Variants in PLCE1 observed in about 807,000 individuals in gnomAD.
The protein encoded by PLCE1 is 1-phosphatidylinositol 4,5-bisphosphate phosphodiesterase epsilon-1.
PLCE1 carries 119 observed loss-of-function variants against 242.8 expected under a neutral mutation model. The ratio of observed to expected loss-of-function variants is 0.49; its 90% confidence interval spans 0.42 to 0.57. The LOEUF is 0.57. Ranked by LOEUF, PLCE1 falls within the 20% of genes least tolerant of loss-of-function variation. PLCE1 has a pLI of 0.00. For synonymous variants in PLCE1, 945 were observed against 1,017.4 expected, an observed-to-expected ratio of 0.93 and a Z score of 1.35; for missense variants, 2,441 against 2,788.8, an observed-to-expected ratio of 0.88 and a Z score of 2.81.
intron 32 of PLCE1, among the ~76,000 whole-genome samples, chr10:94,326,948 C>CA (rs1370415677): frequency 2.0e-5 from 3 of 151,224 alleles, no homozygotes; most frequent in Non-Finnish European, 4.4e-5. Context: ...ATCACGAGGT[C>CA]AAGAGATTGA....
intron 4 of PLCE1, among the ~76,000 whole-genome samples, chr10:94,173,514 C>T (rs552657299): frequency 6.6e-6 from 1 of 152,360 alleles, no homozygotes; most frequent in South Asian, 2.1e-4. Context: ...CCCACTCTCA[C>T]ATCCTTAGGA....
intron 3 of PLCE1, among the ~76,000 whole-genome samples, chr10:94,147,768 C>T (rs2047159865): frequency 6.6e-6 from 1 of 152,206 alleles, no homozygotes; most frequent in Non-Finnish European, 1.5e-5. Context: ...GTGATCTGAA[C>T]TATCATGGAG....
intron 2 of PLCE1, among the ~76,000 whole-genome samples, chr10:94,054,723 C>T (rs777620327): frequency 3.9e-5 from 6 of 152,116 alleles, no homozygotes; most frequent in African/African-American, 9.7e-5. Flanking sequence ...AGAAAAATGC[C>T]GTGTTCAGGC....
intron 3 of PLCE1, among the ~76,000 whole-genome samples, chr10:94,162,107 C>T (rs2047636124): frequency 1.3e-5 from 2 of 152,146 alleles, no homozygotes; most frequent in African/African-American, 4.8e-5. Flanking sequence ...GGATATTGGT[C>T]TAAAATTCTG....
intron 4 of PLCE1, among the ~76,000 whole-genome samples, chr10:94,210,131 GTTGT>G (rs1307390667): frequency 2.7e-5 from 4 of 149,850 alleles, no homozygotes; most frequent in African/African-American, 4.9e-5. Flanking sequence ...TTTTTTGTTT[GTTGT>G]TTGTTTGTTA....
rs2054116641 is a variant in PLCE1 at position 94,328,661 on chromosome 10, T to C, written c.*718T>C. 2.0e-5 allele frequency: 3 copies of C among 152,264 alleles called. No homozygotes were observed. Among genetic ancestry groups the C allele is most frequent in the Admixed American group, 2.0e-4 (3 of 15,290 alleles). The allele number at this position is 152,264 out of a possible 1,614,324, so 9.4% of individuals were successfully genotyped here. ...GCTTAGAATTAGAAGCTTTGGGGCA[T>C]TTCAAGTGTAAATATGTCCTATAAC... is the stretch of plus-strand genomic sequence containing the variant. On this transcript the variant is annotated 3_prime_UTR_variant, in exon 33 of 33. Transcript: ENST00000371380.
chr10:94,135,665 C>T (rs1312672897), intron 3 of PLCE1, among the ~76,000 whole-genome samples: 1 of 152,192 alleles, frequency 6.6e-6, no homozygotes, highest in East Asian at 1.9e-4. Flanking sequence ...CAGTTGTGAT[C>T]TGCACATTTC....
At chr10:94,062,388 C>T (rs568191528) in intron 2 of PLCE1, among the ~76,000 whole-genome samples, 155 of 152,164 alleles carry the variant, frequency 1.0e-3, no homozygotes, top group Non-Finnish European at 1.7e-3. Flanking sequence ...AACTCCTGGG[C>T]TCAAGCAATC....
rs1042581386 is a variant in PLCE1 at position 94,298,996 on chromosome 10, T to C, written c.5458+327T>C. On this transcript the variant is annotated intron_variant, in intron 24 of 32. Coordinates refer to ENST00000371380, the MANE Select transcript of PLCE1 (RefSeq NM_016341.4). The surrounding 1 kb of genome is among the most constrained non-coding windows in gnomAD (Gnocchi z 5.2). ...AGCTCTTTTTGGAGCAGGGATTTCC[T>C]AACACTGCCCAGTTAACCTGTCTCA... Among the ~76,000 whole-genome samples the C allele has an allele frequency of 2.6e-5, 4 of 152,208 alleles. No individual in the cohort carries two copies. The highest frequency in any genetic ancestry group is 9.7e-5 in the African/African-American group (4 of 41,444).
chr10:94,332,306 G>A lies in PLCE1; in HGVS notation c.*4363G>A, dbSNP rs2054168987. 6.6e-6 allele frequency: 1 copy of A among 152,108 alleles called. No individual in the cohort carries two copies. Among genetic ancestry groups the A allele is most frequent in the Admixed American group, 6.5e-5 (1 of 15,274 alleles). The allele number at this position is 152,108 out of a possible 1,614,324, so 9.4% of individuals were successfully genotyped here. ...CACAAGTAATTCTAACACTGAATTG[G>A]GTACTGTCGCATTTTTCAAAAGCGT... On this transcript the variant is annotated 3_prime_UTR_variant, in exon 33 of 33. Coordinates refer to ENST00000371380, the MANE Select transcript of PLCE1 (RefSeq NM_016341.4).
At chr10:94,058,233 A>T (rs1320508314) in intron 2 of PLCE1, among the ~76,000 whole-genome samples, 1 of 152,204 alleles carries the variant, frequency 6.6e-6, no homozygotes, top group Admixed American at 6.5e-5. Flanking sequence ...CAAGTGCTCC[A>T]TAAACATTAG....
intron 1 of PLCE1, among the ~76,000 whole-genome samples, chr10:94,015,811 C>T (rs759326339): frequency 7.2e-5 from 11 of 152,212 alleles, no homozygotes; most frequent in Non-Finnish European, 1.3e-4. Context: ...TCAGACCAGC[C>T]TCAAACCCAG....
intron 2 of PLCE1, among the ~76,000 whole-genome samples, chr10:94,098,786 A>C (rs1044383445): frequency 2.0e-5 from 3 of 152,258 alleles, no homozygotes; most frequent in African/African-American, 7.2e-5. Context: ...TTACGAATAC[A>C]ACAGGCATAA....
Position 94,255,059 on chromosome 10 carries a change from T to C in PLCE1, c.3554+10T>C, listed in dbSNP as rs2051022313. On this transcript the variant is annotated intron_variant, in intron 11 of 32. Coordinates refer to ENST00000371380, the MANE Select transcript of PLCE1 (RefSeq NM_016341.4). Reference sequence around the variant, plus strand: ...ACAAGAGCCCATCCAGGTGGGGCCTTAACATGATAAAACAGAAGGACCCTT... The same window carrying C: ...ACAAGAGCCCATCCAGGTGGGGCCTCAACATGATAAAACAGAAGGACCCTT... The C allele has an allele frequency of 1.2e-6, 2 of 1,613,686 alleles. No homozygotes were observed. The highest frequency in any genetic ancestry group is 1.7e-6 in the Non-Finnish European group (2 of 1,179,740).
chr10:94,330,287 T>A lies in PLCE1; in HGVS notation c.*2344T>A, dbSNP rs1275013959. ...GAGAGAATCCAGCCTACTGCCTAGG[T>A]TGCATCCCAATTTAGTTGTTTATCA... On this transcript the variant is annotated 3_prime_UTR_variant, in exon 33 of 33. Transcript: ENST00000371380. 6.6e-6 allele frequency: 1 copy of A among 152,218 alleles called. No individual in the cohort carries two copies. Among genetic ancestry groups the A allele is most frequent in the Admixed American group, 6.5e-5 (1 of 15,276 alleles). 9.4% of individuals were successfully genotyped at this position (152,218 alleles called of 1,614,324 possible).
intron 2 of PLCE1, among the ~76,000 whole-genome samples, chr10:94,047,048 A>G (rs191337768): frequency 2.0e-5 from 3 of 152,316 alleles, no homozygotes; most frequent in Non-Finnish European, 4.4e-5. Context: ...AAAAAGCCAA[A>G]TTTAGCAGTG....
intron 22 of PLCE1, among the ~76,000 whole-genome samples, chr10:94,285,316 A>C (rs2052400107): frequency 6.6e-6 from 1 of 152,160 alleles, no homozygotes; most frequent in Non-Finnish European, 1.5e-5. Flanking sequence ...TGATTCTACA[A>C]GGTAGGCGGT....
chr10:94,089,817 CT>C (rs1564677091), intron 2 of PLCE1, among the ~76,000 whole-genome samples: 1 of 151,988 alleles, frequency 6.6e-6, no homozygotes. Context: ...TTGTTGCTTT[CT>C]TTTTTACCTT....
In PLCE1 at chr10:94,269,226, CA is replaced by C. The variant is rs763567891; in HGVS notation, c.4389+192del. Among the ~76,000 whole-genome samples, 40 of 151,054 alleles carry C rather than the reference CA, an allele frequency of 2.6e-4. 1 individual carries two copies. The East Asian group carries it at 5.7e-3, about 21-fold the overall frequency. ...AAGAGATTCTCCTACATCAGCCTCC[CA>C]AGTAGCTAGGATTACAAGCCCATAC... On this transcript the variant is annotated intron_variant, in intron 17 of 32. Coordinates refer to ENST00000371380, the MANE Select transcript of PLCE1 (RefSeq NM_016341.4).
Sources: gnomAD v4.1 joint callset for allele counts (sites outside exome capture counted in the v4.1 genomes callset) on GRCh38, gnomAD v4.1.1 for gene constraint, Gnocchi (gnomAD v3.1) non-coding constraint, MANE v1.5 for transcripts, NCBI Gene and HGNC (gene_info 2026-07-23, HGNC 2026-07-21) for gene names.